SLC2A9: variants seen among roughly 807,000 people sequenced by gnomAD.
The protein encoded by SLC2A9 is solute carrier family 2, facilitated glucose transporter member 9.
Under a neutral mutation model 50.6 loss-of-function variants are expected in SLC2A9, and 39 were observed. The observed-to-expected ratio is 0.77, with a 90% CI of 0.60 to 1.01. The LOEUF is 1.01. Ranked by LOEUF, SLC2A9 falls within the 50% of genes least tolerant of loss-of-function variation. The pLI, the probability that SLC2A9 is intolerant of heterozygous loss-of-function variation, is 0.00. For synonymous variants in SLC2A9, 324 were observed against 276.9 expected (o/e 1.17, Z -1.69); for missense variants, 686 against 677.6 (o/e 1.01, Z -0.14).
chr4:9,903,916 A>G (rs13128821), intron 8 of SLC2A9, among the ~76,000 whole-genome samples: 1,945 of 147,778 alleles, frequency 0.013, 23 homozygotes, highest in Middle Eastern at 0.071. Context: ...AATATATAAA[A>G]TATATCTACA....
intron 10 of SLC2A9, among the ~76,000 whole-genome samples, chr4:9,863,402 C>T (rs12503064): frequency 1.3e-5 from 2 of 152,010 alleles, no homozygotes; most frequent in Admixed American, 1.3e-4. Context: ...CTGCTTCAGC[C>T]TCCCAAAGTA....
chr4:9,938,973 T>C (rs907305143), intron 6 of SLC2A9, among the ~76,000 whole-genome samples: 4 of 152,158 alleles, frequency 2.6e-5, no homozygotes, highest in South Asian at 2.1e-4. Context: ...AGTGATTGTG[T>C]TGATGGCCCA....
At chr4:9,849,442 T>A (rs1729513084) in intron 10 of SLC2A9, among the ~76,000 whole-genome samples, 1 of 152,238 alleles carries the variant, frequency 6.6e-6, no homozygotes, top group African/African-American at 2.4e-5. Context: ...AGACTTAGAT[T>A]GTTTCCTGAA....
chr4:10,036,818 C>A (rs1764121921), intron 1 of SLC2A9, among the ~76,000 whole-genome samples: 1 of 152,220 alleles, frequency 6.6e-6, no homozygotes. Context: ...GCGGTGCATG[C>A]TTTTAAATCT....
chr4:9,886,347 C>T (rs1577700884), intron 10 of SLC2A9, among the ~76,000 whole-genome samples: 1 of 151,888 alleles, frequency 6.6e-6, no homozygotes, highest in East Asian at 1.9e-4. Context: ...GCTGTGTGTT[C>T]ATCCTCTAAT....
At chr4:9,788,363 T>TTTTG in intron 3 of SLC2A9, among the ~76,000 whole-genome samples, 1 of 149,852 alleles carries the variant, frequency 6.7e-6, no homozygotes, top group South Asian at 2.1e-4. Flanking sequence ...GTAATTTTTT[T>TTTTG]TTTTTTTTGT....
At chr4:9,774,850 A>C (rs1157511352), downstream of SLC2A9, among the ~76,000 whole-genome samples, 1 of 151,314 alleles carries the variant, frequency 6.6e-6, no homozygotes, top group Non-Finnish European at 1.5e-5. Flanking sequence ...TCTATTCTCT[A>C]TATGGGCCTC....
At chr4:9,976,137 AC>A (rs1754767109) in intron 5 of SLC2A9, among the ~76,000 whole-genome samples, 1 of 152,158 alleles carries the variant, frequency 6.6e-6, no homozygotes, top group South Asian at 2.1e-4. Flanking sequence ...AAGTTGAAAA[AC>A]TATTGGGTAG....
At chr4:9,850,880 C>G (rs1729785389) in intron 10 of SLC2A9, among the ~76,000 whole-genome samples, 1 of 152,144 alleles carries the variant, frequency 6.6e-6, no homozygotes, top group Admixed American at 6.5e-5. Flanking sequence ...CTGCCACTGC[C>G]AGCATGAATG....
intron 7 of SLC2A9, 112 bp from the exon 8 acceptor site, chr4:9,908,457 G>C (rs548989476): frequency 1.4e-6 from 1 of 738,356 alleles, no homozygotes; most frequent in African/African-American, 1.7e-5. Flanking sequence ...AGAGTCCCAA[G>C]GTGGAGAGGC....
intron 4 of SLC2A9, 125 bp downstream of exon 4, chr4:9,985,544 T>C: frequency 7.7e-7 from 1 of 1,306,788 alleles, no homozygotes; most frequent in Non-Finnish European, 1.1e-6. Context: ...CCAGCATCCT[T>C]GGTCCCTGCC....
intron 3 of SLC2A9, among the ~76,000 whole-genome samples, chr4:9,802,569 T>C (rs1297502946): frequency 1.3e-5 from 2 of 150,196 alleles, no homozygotes; most frequent in Non-Finnish European, 3.0e-5. Flanking sequence ...CTTTTTTTTT[T>C]TTTTTTTTTG....
At chr4:9,825,516 C>T (rs762202354), downstream of SLC2A9, among the ~76,000 whole-genome samples, 29 of 119,050 alleles carry the variant, frequency 2.4e-4, no homozygotes, top group Admixed American at 4.2e-4. Context: ...TGGCAGAGAT[C>T]ACCAATTAAT....
chr4:9,782,961 C>T, intron 3 of SLC2A9: 2 of 1,613,950 alleles, frequency 1.2e-6, no homozygotes, highest in East Asian at 4.5e-5. Flanking sequence ...TGCTGGCTGC[C>T]CTTCTTCATC....
chr4:9,903,211 C>A (rs112848581), intron 8 of SLC2A9, among the ~76,000 whole-genome samples: 6 of 151,808 alleles, frequency 4.0e-5, no homozygotes, highest in African/African-American at 1.4e-4. Flanking sequence ...CTGAAATTGT[C>A]GAATTTATTG....
intron 1 of SLC2A9, among the ~76,000 whole-genome samples, chr4:10,032,839 T>C (rs907268176): frequency 9.9e-5 from 15 of 152,182 alleles, no homozygotes; most frequent in Non-Finnish European, 1.6e-4. Flanking sequence ...TTGGCTTCAA[T>C]GGCATAGTGA....
chr4:9,841,319 CT>C (rs1408262628), intron 10 of SLC2A9, among the ~76,000 whole-genome samples: 1 of 152,092 alleles, frequency 6.6e-6, no homozygotes, highest in East Asian at 1.9e-4. Context: ...CGACTTTGTT[CT>C]CTTGTTTTCT....
chr4:9,975,484 A>G (rs1362392720), intron 5 of SLC2A9, among the ~76,000 whole-genome samples: 3 of 152,246 alleles, frequency 2.0e-5, no homozygotes, highest in Non-Finnish European at 4.4e-5. Flanking sequence ...ACAAGTGGCC[A>G]ACAAACATAT....
At chr4:9,774,407 CCT>C (rs1717256241) in intron 1 of SLC2A9, among the ~76,000 whole-genome samples, 1 of 152,168 alleles carries the variant, frequency 6.6e-6, no homozygotes, top group South Asian at 2.1e-4. Flanking sequence ...CGTGATGTTC[CCT>C]CTGTTAGGGT....
Sources: gnomAD v4.1 joint callset for allele counts (sites outside exome capture counted in the v4.1 genomes callset) on GRCh38, gnomAD v4.1.1 for gene constraint, MANE v1.5 for transcripts, NCBI Gene and HGNC (gene_info 2026-07-23, HGNC 2026-07-21) for gene names.